TRPM3: variants seen among roughly 807,000 people sequenced by gnomAD.
The protein encoded by TRPM3 is long transient receptor potential channel 3.
TRPM3 carries 77 observed loss-of-function variants against 181.2 expected under a neutral mutation model. That is an observed-to-expected ratio of 0.42 (90% CI 0.35 to 0.51). The LOEUF is 0.51. Among genes scored for constraint, TRPM3 ranks in the 20% least tolerant of loss-of-function variants. The probability of loss-of-function intolerance (pLI) is 0.01; values close to 1 mark genes in which losing one functional copy is unlikely to be tolerated. For missense variants in TRPM3, 1,759 were observed against 2,196.7 expected, an observed-to-expected ratio of 0.80 and a Z score of 3.98; for synonymous variants, 745 against 796.4, an observed-to-expected ratio of 0.94 and a Z score of 1.09.
intron 1 of TRPM3, among the ~76,000 whole-genome samples, chr9:71,318,485 C>T (rs1183663448): frequency 6.6e-6 from 1 of 152,122 alleles, no homozygotes; most frequent in African/African-American, 2.4e-5. Flanking sequence ...ATGCATTTCT[C>T]CTTTAATCTG....
chr9:70,920,915 A>C (rs1473953645), intron 1 of TRPM3, among the ~76,000 whole-genome samples: 1 of 152,154 alleles, frequency 6.6e-6, no homozygotes. Context: ...CATACTCTCA[A>C]TTAAATATTC....
rs547795765 is a variant in TRPM3 at position 71,241,408 on chromosome 9, A to G, written c.183+205245T>C. ...AACTATCGCAAGGACAAAAAACCAA[A>G]CATCGCATGTTCTCACTCATAGGTG... is the stretch of plus-strand genomic sequence containing the variant. On this transcript the variant is annotated intron_variant, in intron 1 of 24. Coordinates refer to the TRPM3 transcript ENST00000357533. 2.7e-5 allele frequency among the ~76,000 whole-genome samples: 4 copies of G among 149,854 alleles called. No individual in the cohort carries two copies. In the East Asian group the frequency reaches 8.2e-4, roughly 31 times the overall value.
chr9:71,032,823 G>GT (rs1406309649), intron 1 of TRPM3, among the ~76,000 whole-genome samples: 1 of 152,202 alleles, frequency 6.6e-6, no homozygotes, highest in African/African-American at 2.4e-5. Flanking sequence ...CTGCAAGGAA[G>GT]TAACCTTTCT....
At chr9:71,143,205 C>T (rs1470324746) in intron 1 of TRPM3, among the ~76,000 whole-genome samples, 3 of 149,960 alleles carry the variant, frequency 2.0e-5, no homozygotes, top group South Asian at 2.1e-4. Context: ...TTTCTTTTAA[C>T]TTTTAAGTTC....
chr9:71,155,247 C>T lies in TRPM3; in HGVS notation c.184-290736G>A, dbSNP rs548537726. ...ACAAATAAACTGAACAAAAGTCTAT[C>T]CTAACTTTATCATTAACACATTCAT... On this transcript the variant is annotated intron_variant, in intron 1 of 24. Transcript: ENST00000357533. 4.6e-5 allele frequency among the ~76,000 whole-genome samples: 7 copies of T among 152,188 alleles called. No homozygotes were observed. The South Asian group carries it at 1.5e-3, about 32-fold the overall frequency.
chr9:71,071,722 T>G (rs534953545), intron 1 of TRPM3, among the ~76,000 whole-genome samples: 1 of 152,292 alleles, frequency 6.6e-6, no homozygotes, highest in East Asian at 1.9e-4. Flanking sequence ...AGAGCTGGGT[T>G]TGAATCCAAC....
At chr9:71,074,310 C>G (rs2063159343) in intron 1 of TRPM3, among the ~76,000 whole-genome samples, 2 of 152,138 alleles carry the variant, frequency 1.3e-5, no homozygotes, top group South Asian at 4.1e-4. Flanking sequence ...AGAGAATTTC[C>G]TGTTAAAGAT....
At chr9:70,814,319 T>C (rs781732733) in intron 6 of TRPM3, among the ~76,000 whole-genome samples, 1 of 152,138 alleles carries the variant, frequency 6.6e-6, no homozygotes, top group Non-Finnish European at 1.5e-5. Context: ...GAAAGGGAGC[T>C]GGACTTTGGG....
chr9:71,330,506 T>C (rs1352755355), intron 1 of TRPM3, among the ~76,000 whole-genome samples: 2 of 151,808 alleles, frequency 1.3e-5, no homozygotes, highest in African/African-American at 4.8e-5. Context: ...ATGATCACAA[T>C]ATCCCTGAAA....
chr9:71,354,505 C>T (rs2132687332), intron 1 of TRPM3, among the ~76,000 whole-genome samples: 1 of 152,312 alleles, frequency 6.6e-6, no homozygotes, highest in East Asian at 1.9e-4. Context: ...CCAATTACAA[C>T]TTATCCTTTG....
chr9:70,852,747 A>C (rs571873221), intron 3 of TRPM3, among the ~76,000 whole-genome samples: 2 of 152,222 alleles, frequency 1.3e-5, no homozygotes, highest in African/African-American at 2.4e-5. Flanking sequence ...ACTTGACATA[A>C]TCTTGCCAAT....
chr9:70,574,003 C>A (rs1327867910), intron 22 of TRPM3, among the ~76,000 whole-genome samples: 1 of 126,230 alleles, frequency 7.9e-6, no homozygotes, highest in African/African-American at 2.8e-5. Context: ...CACACACACA[C>A]ACACACACAC....
At chr9:70,749,513 C>A (rs1408481766) in intron 8 of TRPM3, among the ~76,000 whole-genome samples, 1 of 152,024 alleles carries the variant, frequency 6.6e-6, no homozygotes, top group African/African-American at 2.4e-5. Context: ...CAAAATAAGC[C>A]ATTGGACAAC....
chr9:71,432,589 T>C (rs992804959), intron 1 of TRPM3, among the ~76,000 whole-genome samples: 7 of 152,162 alleles, frequency 4.6e-5, no homozygotes, highest in African/African-American at 1.7e-4. Context: ...TTAAGGAAAA[T>C]TTAATTTCAT....
At chr9:71,411,428 C>T (rs548003303) in intron 1 of TRPM3, among the ~76,000 whole-genome samples, 1 of 152,246 alleles carries the variant, frequency 6.6e-6, no homozygotes, top group Non-Finnish European at 1.5e-5. Context: ...AATCAATGTG[C>T]AAAAATCACA....
intron 1 of TRPM3, among the ~76,000 whole-genome samples, chr9:71,097,065 C>A (rs116795602): frequency 7.6e-4 from 116 of 152,218 alleles, no homozygotes; most frequent in African/African-American, 2.7e-3. Flanking sequence ...TTTCCTATGT[C>A]CTTCCCGACT....
At chr9:70,604,395 G>A (rs1366012095) in intron 19 of TRPM3, among the ~76,000 whole-genome samples, 1 of 152,212 alleles carries the variant, frequency 6.6e-6, no homozygotes, top group African/African-American at 2.4e-5. Context: ...CTTACACAAT[G>A]CCTCAAGTCA....
chr9:70,970,293 G>T (rs56095958), intron 1 of TRPM3, among the ~76,000 whole-genome samples: 16,011 of 152,184 alleles, frequency 0.11, 952 homozygotes, highest in Non-Finnish European at 0.14. Flanking sequence ...CTGACAAGGA[G>T]GTTGGGTAAA....
intron 1 of TRPM3, among the ~76,000 whole-genome samples, chr9:71,017,376 T>G (rs2097793063): frequency 6.6e-6 from 1 of 151,656 alleles, no homozygotes; most frequent in African/African-American, 2.4e-5. Flanking sequence ...GGACAAAAAT[T>G]AAAAGACCAA....
Sources: allele counts gnomAD v4.1 joint callset (sites outside exome capture counted in the v4.1 genomes callset), GRCh38; gene constraint gnomAD v4.1.1; transcripts MANE v1.5; gene names NCBI Gene and HGNC (gene_info 2026-07-23, HGNC 2026-07-21).